The following C1orf159 variants were observed in gnomAD, a reference collection of about 807,000 sequenced individuals.
C1orf159 encodes the protein uncharacterized protein C1orf159.
In C1orf159, 19 loss-of-function variants were observed where a neutral mutation model predicts 25.6. That is an observed-to-expected ratio of 0.74 (90% CI 0.52 to 1.09). The LOEUF is 1.09. C1orf159 is among the 50% of genes least tolerant of loss of function. The pLI, the probability that C1orf159 is intolerant of heterozygous loss-of-function variation, is 0.00. For missense variants in C1orf159, 274 were observed against 290.6 expected (o/e 0.94, Z 0.42); for synonymous variants, 139 against 124.7 (o/e 1.12, Z -0.77).
Position 1,092,016 on chromosome 1 carries a change from G to A in C1orf159, c.-48C>T, listed in dbSNP as rs535856868. On this transcript the variant is annotated 5_prime_UTR_variant, in exon 2 of 10. Transcript: ENST00000421241. ...CTGCCCCTCCAGGATGGGGACTACCGACATCAGCCCTTTGCCCGCCTGGGT... is the reference window on the plus strand; with the variant it reads ...CTGCCCCTCCAGGATGGGGACTACCAACATCAGCCCTTTGCCCGCCTGGGT... The A allele has an allele frequency of 9.4e-5, 43 of 456,844 alleles. No homozygotes were observed. Among genetic ancestry groups the A allele is most frequent in the South Asian group, 5.6e-4 (36 of 64,550 alleles). 28.3% of individuals were successfully genotyped at this position (456,844 alleles called of 1,614,324 possible). A position where few individuals can be genotyped will look rare whatever the true frequency, so the allele number is the denominator to read the frequency against.
In C1orf159 at chr1:1,087,053, C is replaced by T. The variant is rs186676608; in HGVS notation, c.310+86G>A. 567 of 1,340,572 alleles carry T rather than the reference C, an allele frequency of 4.2e-4. 3 individuals are homozygous for T. The African/African-American group carries it at 5.9e-3, about 14-fold the overall frequency. 83.0% of individuals were successfully genotyped at this position (1,340,572 alleles called of 1,614,324 possible). On this transcript the variant is annotated intron_variant, in intron 6 of 9. Coordinates refer to ENST00000421241, the MANE Select transcript of C1orf159 (RefSeq NM_017891.5). This position sits in a 1 kb window ranked among gnomAD's most constrained non-coding sequence, Gnocchi z 8.3. Reference sequence around the variant, plus strand: ...CAGAACCCTGAGCCTGCTGTGGCTGCGTCAAGGGTGAGGGTCTGCACTGGC... The same window carrying T: ...CAGAACCCTGAGCCTGCTGTGGCTGTGTCAAGGGTGAGGGTCTGCACTGGC...
chr1:1,113,176 A>C (rs1646285304), intron 1 of C1orf159, among the ~76,000 whole-genome samples: 1 of 149,292 alleles, frequency 6.7e-6, no homozygotes, highest in Admixed American at 6.7e-5. Context: ...AGCCTGGGCG[A>C]CAGAGACAGA....
In C1orf159 at chr1:1,087,868, G is replaced by A. The variant is rs570224528; in HGVS notation, c.149-271C>T. Among the ~76,000 whole-genome samples the A allele has an allele frequency of 4.0e-5, 6 of 148,224 alleles. No homozygotes were observed. Among genetic ancestry groups the A allele is most frequent in the South Asian group, 4.3e-4 (2 of 4,598 alleles). ...CTGCACTCTCCACGCCGAGCACCCC[G>A]GCCCCGAGTACTCCACGCTGCACTC... On this transcript the variant is annotated intron_variant, in intron 4 of 9. Coordinates refer to ENST00000421241, the MANE Select transcript of C1orf159 (RefSeq NM_017891.5). The surrounding 1 kb of genome is among the most constrained non-coding windows in gnomAD (Gnocchi z 8.3).
rs553578003 is a variant in C1orf159, at chr1:1,087,084, C to G, written c.310+55G>C. 4.5e-6 allele frequency: 7 copies of G among 1,541,558 alleles called. No individual in the cohort carries two copies. The highest frequency in any genetic ancestry group is 6.2e-6 in the Non-Finnish European group (7 of 1,131,724). ...GGGTGAGGGTCTGCACTGGCTCCGA[C>G]GGCCCCCAGCCCCCAGGACACCGGC... On this transcript the variant is annotated intron_variant, in intron 6 of 9. Coordinates refer to ENST00000421241, the MANE Select transcript of C1orf159 (RefSeq NM_017891.5). The surrounding 1 kb of genome is among the most constrained non-coding windows in gnomAD (Gnocchi z 8.3).
intron 1 of C1orf159, among the ~76,000 whole-genome samples, chr1:1,102,236 G>GCCTCT: frequency 6.6e-6 from 1 of 152,050 alleles, no homozygotes; most frequent in South Asian, 2.1e-4. Flanking sequence ...TGTCCACTGT[G>GCCTCT]CCTCTCCTCT....
rs1243900347 is a variant in C1orf159, at chr1:1,089,122, G to A, written c.148+1231C>T. Among the ~76,000 whole-genome samples, 1 of 152,158 alleles carries A rather than the reference G, an allele frequency of 6.6e-6. No homozygotes were observed. On this transcript the variant is annotated intron_variant, in intron 4 of 9. Transcript: ENST00000421241. The surrounding 1 kb of genome is among the most constrained non-coding windows in gnomAD (Gnocchi z 7.5). ...GACGTGACCTGGCTTGGGGCCGCAC[G>A]CAGGGGGAAGCGTATCCAACACCGC...
intron 7 of C1orf159, 122 bp from the exon 8 acceptor site, chr1:1,084,628 C>G (rs555656782): frequency 3.8e-6 from 5 of 1,313,180 alleles, no homozygotes; most frequent in African/African-American, 3.0e-5. Context: ...GCGGCGTCCT[C>G]GGAGCAGCAG....
chr1:1,097,439 G>A (rs2100758207), intron 1 of C1orf159, among the ~76,000 whole-genome samples: 1 of 151,882 alleles, frequency 6.6e-6, no homozygotes, highest in Admixed American at 6.6e-5. Flanking sequence ...TTTCAAACAG[G>A]TCTCTCTCTG....
At chr1:1,102,260 A>C (rs1646111998) in intron 1 of C1orf159, among the ~76,000 whole-genome samples, 1 of 151,844 alleles carries the variant, frequency 6.6e-6, no homozygotes, top group Admixed American at 6.6e-5. Flanking sequence ...GGACCTCTGT[A>C]ATTACCCATG....
At chr1:1,084,704 T>C (rs1645801607) in intron 7 of C1orf159, among the ~76,000 whole-genome samples, 198 bp from the exon 8 acceptor site, 1 of 152,116 alleles carries the variant, frequency 6.6e-6, no homozygotes, top group Non-Finnish European at 1.5e-5. Context: ...CCCTCGGTCC[T>C]GCCACATTCC....
chr1:1,095,227 T>C (rs1182562497), intron 1 of C1orf159, among the ~76,000 whole-genome samples: 1 of 152,224 alleles, frequency 6.6e-6, no homozygotes, highest in Non-Finnish European at 1.5e-5. Flanking sequence ...TTTAGACTCA[T>C]TGTGTCAATT....
intron 7 of C1orf159, 67 bp from the exon 8 acceptor site, chr1:1,084,573 C>T (rs1209007065): frequency 7.8e-6 from 12 of 1,539,190 alleles, no homozygotes; most frequent in East Asian, 7.3e-5. Context: ...CCCAGTGCAG[C>T]GTCCGGGACA....
chr1:1,101,365 C>A (rs539920519), intron 1 of C1orf159, among the ~76,000 whole-genome samples: 83 of 152,282 alleles, frequency 5.5e-4, no homozygotes, highest in Non-Finnish European at 1.0e-3. Context: ...CGCTTGTAGT[C>A]CCAGCTACTT....
chr1:1,084,217 G>C, intron 9 of C1orf159, 136 bp downstream of exon 9: 1 of 1,519,824 alleles, frequency 6.6e-7, no homozygotes, highest in Non-Finnish European at 8.8e-7. Flanking sequence ...CCTTGTGGGT[G>C]GGTCTCCTGG....
intron 1 of C1orf159, among the ~76,000 whole-genome samples, chr1:1,107,132 G>C (rs1216767947): frequency 6.6e-6 from 1 of 152,272 alleles, no homozygotes; most frequent in African/African-American, 2.4e-5. Flanking sequence ...AACCACCCAA[G>C]GGCTGAGGAG....
Position 1,087,395 on chromosome 1 carries a change from G to C in C1orf159, c.244+107C>G. Reference sequence around the variant, plus strand: ...AGGGGGCTCCCGGGGCTGTTCCCCAGTGGACAGTGGCTCTGGGGCAAGGTG... The same window carrying C: ...AGGGGGCTCCCGGGGCTGTTCCCCACTGGACAGTGGCTCTGGGGCAAGGTG... On this transcript the variant is annotated intron_variant, in intron 5 of 9. Coordinates refer to ENST00000421241, the MANE Select transcript of C1orf159 (RefSeq NM_017891.5). The surrounding 1 kb of genome is among the most constrained non-coding windows in gnomAD (Gnocchi z 8.3). The C allele has an allele frequency of 8.0e-7, 1 of 1,243,598 alleles. No individual in the cohort carries two copies. The highest frequency in any genetic ancestry group is 1.1e-6 in the Non-Finnish European group (1 of 899,460). The allele number at this position is 1,243,598 out of a possible 1,614,324, so 77.0% of individuals were successfully genotyped here. A position where few individuals can be genotyped will look rare whatever the true frequency, so the allele number is the denominator to read the frequency against.
chr1:1,113,414 CTCTT>C (rs1338622336), intron 1 of C1orf159, among the ~76,000 whole-genome samples: 6 of 152,206 alleles, frequency 3.9e-5, no homozygotes, highest in Non-Finnish European at 8.8e-5. Context: ...GAAGAGGTGG[CTCTT>C]TCTTTTCTTT....
intron 1 of C1orf159, among the ~76,000 whole-genome samples, chr1:1,099,344 C>T (rs1169582113): frequency 8.7e-6 from 1 of 114,710 alleles, no homozygotes; most frequent in Non-Finnish European, 1.7e-5. Flanking sequence ...GTTACAATCT[C>T]TGACTATGAT....
intron 2 of C1orf159, 127 bp from the exon 3 acceptor site, chr1:1,091,692 C>A: frequency 6.0e-6 from 2 of 335,052 alleles, no homozygotes; most frequent in East Asian, 8.8e-5. Context: ...AGGGCAGAGC[C>A]AAATGGAGAT....
Sources: allele counts gnomAD v4.1 joint callset (sites outside exome capture counted in the v4.1 genomes callset), GRCh38; gene constraint gnomAD v4.1.1; non-coding constraint Gnocchi (gnomAD v3.1); transcripts MANE v1.5; gene names NCBI Gene and HGNC (gene_info 2026-07-23, HGNC 2026-07-21).